Variants in LRIG3 observed in about 807,000 individuals in gnomAD.
LRIG3 encodes the protein leucine rich repeats and immunoglobulin like domains 3.
In LRIG3, 76 loss-of-function variants were observed where a neutral mutation model predicts 114.5. That is an observed-to-expected ratio of 0.66 (90% CI 0.55 to 0.80). The LOEUF is 0.80. Ranked by LOEUF, LRIG3 falls within the 30% of genes least tolerant of loss-of-function variation. The probability of loss-of-function intolerance (pLI) is 0.00; values close to 1 mark genes in which losing one functional copy is unlikely to be tolerated. For missense variants in LRIG3, 1,239 were observed against 1,382.8 expected, an observed-to-expected ratio of 0.90 and a Z score of 1.65; for synonymous variants, 512 against 519.8, an observed-to-expected ratio of 0.98 and a Z score of 0.20.
chr12:58,902,892 CA>C (rs2120953250), intron 3 of LRIG3, among the ~76,000 whole-genome samples: 1 of 152,258 alleles, frequency 6.6e-6, no homozygotes, highest in South Asian at 2.1e-4. Flanking sequence ...CTACAAAGGA[CA>C]TGAACTCATC....
chr12:58,881,234 TC>T (rs1166082743), intron 12 of LRIG3, among the ~76,000 whole-genome samples: 7 of 152,154 alleles, frequency 4.6e-5, no homozygotes, highest in African/African-American at 1.7e-4. Context: ...TTTAAAAACT[TC>T]CAGGCTCAGG....
intron 1 of LRIG3, chr12:58,919,635 G>C: frequency 6.9e-7 from 1 of 1,455,900 alleles, no homozygotes; most frequent in Non-Finnish European, 9.1e-7. Context: ...AACTCCTGAT[G>C]TGTGCAGGTT....
chr12:58,896,654 A>C (rs1242500473), intron 3 of LRIG3, among the ~76,000 whole-genome samples: 1 of 152,210 alleles, frequency 6.6e-6, no homozygotes, highest in Admixed American at 6.5e-5. Flanking sequence ...GTGTGCACTG[A>C]AATTTAATGT....
At chr12:58,873,787 C>T (rs1220427797) in intron 18 of LRIG3, 4 of 515,254 alleles carry the variant, frequency 7.8e-6, no homozygotes, top group African/African-American at 1.9e-5. Context: ...CTAAGTCCTC[C>T]CCAAACCCTT....
intron 7 of LRIG3, among the ~76,000 whole-genome samples, 191 bp downstream of exon 7, chr12:58,888,138 C>T (rs557556717): frequency 1.3e-5 from 2 of 152,218 alleles, no homozygotes; most frequent in South Asian, 2.1e-4. Flanking sequence ...CTTTTGCCAA[C>T]GTGACATAGA....
intron 8 of LRIG3, among the ~76,000 whole-genome samples, chr12:58,887,224 G>A (rs1190707446): frequency 1.3e-5 from 2 of 152,102 alleles, no homozygotes; most frequent in Non-Finnish European, 2.9e-5. Flanking sequence ...GCAGAAGTTC[G>A]CCAAAGCATA....
chr12:58,874,625 C>T, intron 16 of LRIG3, 52 bp from the exon 17 acceptor site: 1 of 1,603,398 alleles, frequency 6.2e-7, no homozygotes, highest in Non-Finnish European at 8.5e-7. Flanking sequence ...TGCCATTCAA[C>T]ATTCTCCCCA....
intron 3 of LRIG3, among the ~76,000 whole-genome samples, chr12:58,900,360 A>G (rs1353968879): frequency 6.6e-6 from 1 of 150,578 alleles, no homozygotes; most frequent in Non-Finnish European, 1.5e-5. Context: ...CAAAATTTGT[A>G]TGGCATCTTT....
In LRIG3 at chr12:58,908,485, T is replaced by C. The variant is rs1450015048; in HGVS notation, c.383+5497A>G. On this transcript the variant is annotated intron_variant, in intron 3 of 18. Transcript: ENST00000320743. The stretch of plus-strand genomic sequence containing the variant: ...AGATATTCATGCTTAGAAAGGCATA[T>C]GGGAAAGGGGGCTTTTATTTCCCAC... Among the ~76,000 whole-genome samples, 4 of 152,334 alleles carry C rather than the reference T, an allele frequency of 2.6e-5. No individual in the cohort carries two copies. The East Asian group carries it at 5.8e-4, about 22-fold the overall frequency.
intron 7 of LRIG3, 135 bp downstream of exon 7, chr12:58,888,194 A>G: frequency 1.8e-6 from 2 of 1,081,164 alleles, no homozygotes; most frequent in African/African-American, 3.2e-5. Context: ...CAAAAATAAG[A>G]CTAGGTTGCA....
At chr12:58,893,149 T>G (rs962443371) in intron 3 of LRIG3, among the ~76,000 whole-genome samples, 4 of 152,184 alleles carry the variant, frequency 2.6e-5, no homozygotes, top group Middle Eastern at 3.2e-3. Context: ...TGGCCGACTT[T>G]CTGTCAGGTG....
In LRIG3 at chr12:58,872,959, T is replaced by C. The variant is rs1215818030; in HGVS notation, c.3116-143A>G. The C allele has an allele frequency of 3.5e-6, 4 of 1,129,638 alleles. No individual in the cohort carries two copies. In the African/African-American group the frequency reaches 4.7e-5, roughly 13 times the overall value. 70.0% of individuals were successfully genotyped at this position (1,129,638 alleles called of 1,614,324 possible). The stretch of plus-strand genomic sequence containing the variant: ...GTCCACATTATGGCACTCACATACA[T>C]GTACATCTGTCTTACAGCCAGATCA... On this transcript the variant is annotated intron_variant, in intron 18 of 18. Coordinates refer to ENST00000320743, the MANE Select transcript of LRIG3 (RefSeq NM_153377.5).
Position 58,883,513 on chromosome 12 carries a change from A to G in LRIG3, c.1316+7T>C. On this transcript the variant is annotated splice_region_variant and intron_variant, in intron 11 of 18. Coordinates refer to ENST00000320743, the MANE Select transcript of LRIG3 (RefSeq NM_153377.5). The stretch of plus-strand genomic sequence containing the variant: ...TTCAGACTCCTAGAAGGAAAAGAAA[A>G]GCTTACAATTGTTGCAGTTTCTTCA... 3 of 1,529,932 alleles carry G rather than the reference A, an allele frequency of 2.0e-6. No individual in the cohort carries two copies. In the Admixed American group the frequency reaches 5.1e-5, roughly 26 times the overall value. 94.8% of individuals were successfully genotyped at this position (1,529,932 alleles called of 1,614,324 possible). A position where few individuals can be genotyped will look rare whatever the true frequency, so the allele number is the denominator to read the frequency against.
At chr12:58,905,620 T>C (rs1050846843) in intron 3 of LRIG3, among the ~76,000 whole-genome samples, 10 of 152,268 alleles carry the variant, frequency 6.6e-5, no homozygotes, top group South Asian at 2.1e-4. Context: ...TAAGAGGTGA[T>C]TGCGTCATGA....
At chr12:58,907,543 C>A (rs1458338293) in intron 3 of LRIG3, among the ~76,000 whole-genome samples, 1 of 152,226 alleles carries the variant, frequency 6.6e-6, no homozygotes. Context: ...CTCTGCCAAG[C>A]CCACCACAAT....
chr12:58,883,064 G>A lies in LRIG3; in HGVS notation c.1317-32C>T, dbSNP rs369780689. The A allele has an allele frequency of 1.0e-5, 16 of 1,560,506 alleles. No individual in the cohort carries two copies. In the African/African-American group the frequency reaches 1.5e-4, roughly 15 times the overall value. ...AGAGTAATTACATTCAATTTGTTCTGTATGAAATGCAGATTTCTACAAGTA... is the reference window on the plus strand; with the variant it reads ...AGAGTAATTACATTCAATTTGTTCTATATGAAATGCAGATTTCTACAAGTA... On this transcript the variant is annotated intron_variant, in intron 11 of 18. Transcript: ENST00000320743.
rs1442989660 is a variant in LRIG3, at chr12:58,901,420, T to G, written c.384-10624A>C. Among the ~76,000 whole-genome samples, 6 of 152,340 alleles carry G rather than the reference T, an allele frequency of 3.9e-5. No individual in the cohort carries two copies. The East Asian group carries it at 1.2e-3, about 29-fold the overall frequency. On this transcript the variant is annotated intron_variant, in intron 3 of 18. Transcript: ENST00000320743. ...GACAGGTGTGTGATGGAGCGGACTT[T>G]AAGGCTCTAGACTTGCATTTTCCAG...
At chr12:58,888,087 TA>T (rs1871334982) in intron 7 of LRIG3, among the ~76,000 whole-genome samples, 155 bp from the exon 8 acceptor site, 1 of 152,288 alleles carries the variant, frequency 6.6e-6, no homozygotes, top group African/African-American at 2.4e-5. Flanking sequence ...TATCAGTAAT[TA>T]AAAAAATACG....
At chr12:58,878,758 G>A in intron 14 of LRIG3, 66 bp downstream of exon 14, 3 of 1,523,552 alleles carry the variant, frequency 2.0e-6, no homozygotes, top group South Asian at 1.2e-5. Flanking sequence ...TGATACTTAG[G>A]GACCTTGGAT....
Sources: gnomAD v4.1 joint callset for allele counts (sites outside exome capture counted in the v4.1 genomes callset) on GRCh38, gnomAD v4.1.1 for gene constraint, MANE v1.5 for transcripts, NCBI Gene and HGNC (gene_info 2026-07-23, HGNC 2026-07-21) for gene names.